Variants in TBC1D5 observed in about 807,000 individuals in gnomAD.
TBC1D5 encodes the protein TBC1 domain family, member 5.
TBC1D5 carries 75 observed loss-of-function variants against 100.3 expected under a neutral mutation model. That is an observed-to-expected ratio of 0.75 (90% CI 0.62 to 0.91). TBC1D5 has a LOEUF of 0.91. Among genes scored for constraint, TBC1D5 ranks in the 40% least tolerant of loss-of-function variants. The pLI, the probability that TBC1D5 is intolerant of heterozygous loss-of-function variation, is 0.00. For synonymous variants in TBC1D5, 323 were observed against 325.6 expected, an observed-to-expected ratio of 0.99 and a Z score of 0.09; for missense variants, 910 against 942.4, an observed-to-expected ratio of 0.97 and a Z score of 0.45.
chr3:17,593,629 A>C (rs2060376362), intron 2 of TBC1D5, among the ~76,000 whole-genome samples: 1 of 152,152 alleles, frequency 6.6e-6, no homozygotes, highest in Non-Finnish European at 1.5e-5. Flanking sequence ...CCATGTACTC[A>C]TGGAATGCCT....
chr3:17,487,567 T>G (rs2095586150), intron 3 of TBC1D5, among the ~76,000 whole-genome samples: 1 of 152,190 alleles, frequency 6.6e-6, no homozygotes, highest in African/African-American at 2.4e-5. Flanking sequence ...GGAGTGAGAC[T>G]GAGAACTATA....
At chr3:17,195,685 G>C (rs2125704779) in intron 18 of TBC1D5, among the ~76,000 whole-genome samples, 1 of 151,820 alleles carries the variant, frequency 6.6e-6, no homozygotes, top group Admixed American at 6.5e-5. Flanking sequence ...ATCAAGTACA[G>C]TTTAAGAACT....
chr3:17,621,323 C>G (rs1216060913), intron 2 of TBC1D5, among the ~76,000 whole-genome samples: 2 of 152,160 alleles, frequency 1.3e-5, no homozygotes, highest in Non-Finnish European at 2.9e-5. Flanking sequence ...AAAGCCAAGA[C>G]CCAGTAGCAA....
At chr3:17,378,196 A>T (rs2092787666) in intron 9 of TBC1D5, among the ~76,000 whole-genome samples, 1 of 151,892 alleles carries the variant, frequency 6.6e-6, no homozygotes, top group African/African-American at 2.4e-5. Context: ...AAACTCCAAT[A>T]GATATCCTTG....
chr3:17,301,515 C>T (rs1172433506), intron 14 of TBC1D5, among the ~76,000 whole-genome samples: 3 of 152,164 alleles, frequency 2.0e-5, no homozygotes, highest in Non-Finnish European at 4.4e-5. Flanking sequence ...TAACTGAGCA[C>T]ATGAAGAGCT....
chr3:17,182,924 T>A (rs2068608578), intron 19 of TBC1D5, among the ~76,000 whole-genome samples: 1 of 152,156 alleles, frequency 6.6e-6, no homozygotes, highest in South Asian at 2.1e-4. Context: ...TGCCTTGTTC[T>A]CCATTTCCTA....
intron 3 of TBC1D5, among the ~76,000 whole-genome samples, chr3:17,436,819 C>T (rs2094544796): frequency 6.6e-6 from 1 of 152,084 alleles, no homozygotes; most frequent in Admixed American, 6.5e-5. Flanking sequence ...ACACATATAG[C>T]AATAACAGAT....
intron 3 of TBC1D5, among the ~76,000 whole-genome samples, chr3:17,450,683 G>GA (rs1445534710): frequency 6.6e-6 from 1 of 152,092 alleles, no homozygotes; most frequent in Non-Finnish European, 1.5e-5. Flanking sequence ...CAAGATTAGA[G>GA]AAAAAAGAAT....
chr3:17,202,432 T>C (rs2071580368), intron 18 of TBC1D5, among the ~76,000 whole-genome samples: 2 of 152,164 alleles, frequency 1.3e-5, no homozygotes, highest in South Asian at 4.1e-4. Context: ...GTCCCTGTGG[T>C]AGAAAAGAAA....
At chr3:17,459,166 C>G (rs1484231339) in intron 3 of TBC1D5, among the ~76,000 whole-genome samples, 1 of 152,080 alleles carries the variant, frequency 6.6e-6, no homozygotes, top group African/African-American at 2.4e-5. Flanking sequence ...GACTTTATAC[C>G]TTATTTCAGT....
At chr3:17,380,113 A>T (rs1001437705) in intron 9 of TBC1D5, among the ~76,000 whole-genome samples, 2 of 150,886 alleles carry the variant, frequency 1.3e-5, no homozygotes, top group African/African-American at 4.9e-5. Flanking sequence ...ATCCTACCAC[A>T]GGCCCAGCAC....
At chr3:17,198,197 T>C (rs1320088912) in intron 18 of TBC1D5, among the ~76,000 whole-genome samples, 1 of 152,258 alleles carries the variant, frequency 6.6e-6, no homozygotes, top group Non-Finnish European at 1.5e-5. Flanking sequence ...TTACCTGTAC[T>C]ATTGTTCTTT....
intron 18 of TBC1D5, among the ~76,000 whole-genome samples, chr3:17,193,630 T>A (rs900371997): frequency 1.3e-5 from 2 of 152,240 alleles, no homozygotes; most frequent in African/African-American, 4.8e-5. Flanking sequence ...CTTCATTTCT[T>A]ACCCCTTTTT....
chr3:17,492,905 G>A (rs1475300340), intron 3 of TBC1D5, among the ~76,000 whole-genome samples: 1 of 152,154 alleles, frequency 6.6e-6, no homozygotes, highest in Non-Finnish European at 1.5e-5. Flanking sequence ...GCCATTTTCT[G>A]TCTTTTAATT....
chr3:17,566,565 A>G (rs2096595164), intron 2 of TBC1D5, among the ~76,000 whole-genome samples: 1 of 151,958 alleles, frequency 6.6e-6, no homozygotes. Flanking sequence ...TTAAGAGTTA[A>G]TAAATAGTAA....
At chr3:17,559,422 G>T (rs995162823) in intron 2 of TBC1D5, among the ~76,000 whole-genome samples, 1 of 151,944 alleles carries the variant, frequency 6.6e-6, no homozygotes, top group African/African-American at 2.4e-5. Context: ...GGTATTACAG[G>T]CATGAGCCAC....
intron 2 of TBC1D5, among the ~76,000 whole-genome samples, chr3:17,536,346 C>CTTCTTCTAATTAAATGTACTTCTAAT (rs1303106232): frequency 2.6e-5 from 4 of 152,182 alleles, no homozygotes; most frequent in African/African-American, 9.6e-5. Context: ...TGAAAATAGC[C>CTTCTTCTAATTAAATGTACTTCTAAT]ATCAAAATTA....
chr3:17,215,863 G>A (rs911792974), intron 17 of TBC1D5, among the ~76,000 whole-genome samples: 18 of 152,250 alleles, frequency 1.2e-4, no homozygotes, highest in African/African-American at 3.4e-4. Flanking sequence ...TTACAATATA[G>A]TTAGAATAGT....
chr3:17,657,025 G>C (rs1329024489), intron 1 of TBC1D5, among the ~76,000 whole-genome samples: 1 of 152,068 alleles, frequency 6.6e-6, no homozygotes, highest in Non-Finnish European at 1.5e-5. Flanking sequence ...AAAAACTGGA[G>C]ATTGATAGAA....
Sources: allele counts gnomAD v4.1 joint callset (sites outside exome capture counted in the v4.1 genomes callset), GRCh38; gene constraint gnomAD v4.1.1; transcripts MANE v1.5; gene names NCBI Gene and HGNC (gene_info 2026-07-23, HGNC 2026-07-21).